Variants in FSD1L observed in about 807,000 individuals in gnomAD.
The protein encoded by FSD1L is fibronectin type III and SPRY domain containing 1 like, also known as FSD1-like protein.
Under a neutral mutation model 71.6 loss-of-function variants are expected in FSD1L, and 45 were observed. The observed-to-expected ratio is 0.63, with a 90% confidence interval of 0.49 to 0.81. The LOEUF (loss-of-function observed/expected upper bound fraction) is 0.81, where lower values mean the gene tolerates loss of function less well. Ranked by LOEUF, FSD1L falls within the 30% of genes least tolerant of loss-of-function variation. FSD1L has a pLI of 0.00. For synonymous variants in FSD1L, 197 were observed against 207.2 expected (o/e 0.95, Z 0.42); for missense variants, 561 against 618.1 (o/e 0.91, Z 0.98).
chr9:105,524,112 G>A, intron 10 of FSD1L: 2 of 1,612,128 alleles, frequency 1.2e-6, no homozygotes, highest in Non-Finnish European at 1.7e-6. Flanking sequence ...TGAGCCCTCT[G>A]GTCCTGCACG....
Position 105,479,383 on chromosome 9 carries a change from T to C in FSD1L, c.464+7T>C. On this transcript the variant is annotated splice_region_variant and intron_variant, in intron 6 of 13. Transcript: ENST00000481272. ...CCAGACAGATCAAGGATAGGTATGG[T>C]ATAAAACACATTTTTACTTAAGTAT... The C allele has an allele frequency of 6.5e-7, 1 of 1,545,588 alleles. No homozygotes were observed. Among genetic ancestry groups the C allele is most frequent in the Non-Finnish European group, 8.7e-7 (1 of 1,143,140 alleles).
At position 105,551,303 on chromosome 9, in the gene FSD1L, T is replaced by G. The variant is rs371892613; in HGVS notation, c.*4820T>G. The stretch of plus-strand genomic sequence containing the variant: ...ATATGACATAAAAAGGATTTTGGCT[T>G]CTTTTTTGAAGTATTTAAAATTAAT... On this transcript the variant is annotated 3_prime_UTR_variant, in exon 14 of 14. Coordinates refer to ENST00000481272, the MANE Select transcript of FSD1L (RefSeq NM_001145313.3). 7.2e-5 allele frequency: 11 copies of G among 152,206 alleles called. No homozygotes were observed. In the East Asian group the frequency reaches 1.3e-3, roughly 19 times the overall value. 9.4% of individuals were successfully genotyped at this position (152,206 alleles called of 1,614,324 possible).
intron 7 of FSD1L, among the ~76,000 whole-genome samples, chr9:105,501,548 G>T (rs1467380068): frequency 6.6e-6 from 1 of 151,618 alleles, no homozygotes; most frequent in Non-Finnish European, 1.5e-5. Flanking sequence ...TCAGCCTCCT[G>T]AGTTGCTAGG....
rs1419516512 is a variant in FSD1L at position 105,508,623 on chromosome 9, A to T, written c.803A>T (p.Lys268Ile). ...KGTEYTLSGLKFDSKYMNFRV... is the reference protein window; with the variant it reads ...KGTEYTLSGLIFDSKYMNFRV... ...CATGTTTTCGTTTCTTCAGGCTTAA[A>T]ATTTGATTCAAAGTATATGAATTTC... Residue 268 changes from lysine to isoleucine, a missense_variant, in exon 9 of 14, where the codon AAA becomes ATA. Lys to Ile is a moderately radical substitution (Grantham distance 102). Transcript: ENST00000481272. The T allele has an allele frequency of 6.5e-7, 1 of 1,548,664 alleles. No homozygotes were observed. Among genetic ancestry groups the T allele is most frequent in the African/African-American group, 1.4e-5 (1 of 73,090 alleles).
chr9:105,504,996 A>G (rs1833967579), intron 7 of FSD1L, among the ~76,000 whole-genome samples: 1 of 152,218 alleles, frequency 6.6e-6, no homozygotes, highest in Non-Finnish European at 1.5e-5. Context: ...TTAGTGGGGT[A>G]CATTTGATAT....
chr9:105,526,011 T>A, intron 10 of FSD1L: 1 of 1,531,062 alleles, frequency 6.5e-7, no homozygotes, highest in Middle Eastern at 1.7e-4. Context: ...GGAGAGGAAT[T>A]ATTCCCACAG....
intron 10 of FSD1L, among the ~76,000 whole-genome samples, chr9:105,533,416 C>CTGTTTTTTTTTTTTTTTTTTTTTTTT (rs1836033198): frequency 3.4e-5 from 1 of 29,070 alleles, no homozygotes; most frequent in Non-Finnish European, 6.0e-5. Flanking sequence ...CCATTTCCAT[C>CTGTTTTTTTTTTTTTTTTTTTTTTTT]TTTTTTTTTT....
rs1356555333 is a variant in FSD1L, at chr9:105,551,979, A to T, written c.*5496A>T. 2.6e-5 allele frequency: 4 copies of T among 152,210 alleles called. No individual in the cohort carries two copies. The highest frequency in any genetic ancestry group is 7.2e-5 in the African/African-American group (3 of 41,456). The allele number at this position is 152,210 out of a possible 1,614,324, so 9.4% of individuals were successfully genotyped here. ...ACAACTTTGTTGCATTATCATTTTTAAAAAAAGATGAAGCATTTCAAAATC... is the reference window on the plus strand; with the variant it reads ...ACAACTTTGTTGCATTATCATTTTTTAAAAAAGATGAAGCATTTCAAAATC... On this transcript the variant is annotated 3_prime_UTR_variant, in exon 14 of 14. Coordinates refer to ENST00000481272, the MANE Select transcript of FSD1L (RefSeq NM_001145313.3).
At chr9:105,542,688 T>C (rs1836706341) in intron 13 of FSD1L, among the ~76,000 whole-genome samples, 1 of 152,200 alleles carries the variant, frequency 6.6e-6, no homozygotes, top group Non-Finnish European at 1.5e-5. Flanking sequence ...AGTCCTGGGC[T>C]CAAATGATCC....
At chr9:105,452,710 C>CCTTCCTTA in intron 1 of FSD1L, among the ~76,000 whole-genome samples, 1 of 150,172 alleles carries the variant, frequency 6.7e-6, no homozygotes, top group Non-Finnish European at 1.5e-5. Context: ...TTCCTTCCTT[C>CCTTCCTTA]CTTCCTTCTT....
rs1432701641 is a variant in FSD1L at position 105,552,346 on chromosome 9, T to A, written c.*5863T>A. ...ATTCAAAGTGGAGTAACGTGTATTTTGAAATGATTTTGTGTTCTATATAGA... is the reference window on the plus strand; with the variant it reads ...ATTCAAAGTGGAGTAACGTGTATTTAGAAATGATTTTGTGTTCTATATAGA... On this transcript the variant is annotated 3_prime_UTR_variant, in exon 14 of 14. Coordinates refer to ENST00000481272, the MANE Select transcript of FSD1L (RefSeq NM_001145313.3). 1 of 152,210 alleles carries A rather than the reference T, an allele frequency of 6.6e-6. No individual in the cohort carries two copies. Among genetic ancestry groups the A allele is most frequent in the Non-Finnish European group, 1.5e-5 (1 of 68,020 alleles). 9.4% of individuals were successfully genotyped at this position (152,210 alleles called of 1,614,324 possible).
intron 7 of FSD1L, 64 bp downstream of exon 7, chr9:105,484,566 G>A: frequency 8.9e-7 from 1 of 1,121,606 alleles, no homozygotes; most frequent in Non-Finnish European, 1.2e-6. Flanking sequence ...AGATTTTTTT[G>A]CAGTGAACAT....
chr9:105,484,034 A>G (rs1832375839), intron 6 of FSD1L, among the ~76,000 whole-genome samples: 2 of 152,188 alleles, frequency 1.3e-5, no homozygotes, highest in Non-Finnish European at 2.9e-5. Flanking sequence ...TAAGGCTGGC[A>G]TCAGGAAGTC....
chr9:105,541,899 G>A (rs1158417698), intron 13 of FSD1L, among the ~76,000 whole-genome samples: 1 of 152,122 alleles, frequency 6.6e-6, no homozygotes, highest in Admixed American at 6.5e-5. Context: ...GTAGCCTTTC[G>A]ATTCCGTACC....
chr9:105,492,241 C>T (rs1347000368), intron 7 of FSD1L, among the ~76,000 whole-genome samples: 2 of 152,178 alleles, frequency 1.3e-5, no homozygotes, highest in East Asian at 1.9e-4. Context: ...GTGTATGTGT[C>T]GAGGAATTTA....
At chr9:105,462,482 A>G (rs904330315) in intron 2 of FSD1L, among the ~76,000 whole-genome samples, 10 of 141,362 alleles carry the variant, frequency 7.1e-5, no homozygotes, top group African/African-American at 2.4e-4. Context: ...CAGCATCCCA[A>G]AGTGCTGGGA....
At chr9:105,526,158 T>A in intron 10 of FSD1L, 4 of 1,581,180 alleles carry the variant, frequency 2.5e-6, no homozygotes, top group South Asian at 1.1e-5. Flanking sequence ...TTCTACCCAT[T>A]ATGGTTAGAG....
chr9:105,520,323 G>C, intron 10 of FSD1L: 1 of 1,388,844 alleles, frequency 7.2e-7, no homozygotes, highest in East Asian at 2.3e-5. Flanking sequence ...TTCCTGATGC[G>C]TATTTGTTTT....
At chr9:105,501,058 G>C (rs1833727335) in intron 7 of FSD1L, among the ~76,000 whole-genome samples, 1 of 152,176 alleles carries the variant, frequency 6.6e-6, no homozygotes, top group Non-Finnish European at 1.5e-5. Flanking sequence ...ATTGACCAGT[G>C]CTTCTCAAAC....
Sources: gnomAD v4.1 joint callset for allele counts (sites outside exome capture counted in the v4.1 genomes callset) on GRCh38, gnomAD v4.1.1 for gene constraint, MANE v1.5 for transcripts, NCBI Gene and HGNC (gene_info 2026-07-23, HGNC 2026-07-21) for gene names.